NXPE2: variants seen among roughly 807,000 people sequenced by gnomAD.
The protein encoded by NXPE2 is NXPE family member 2.
Under a neutral mutation model 34.4 loss-of-function variants are expected in NXPE2, and 34 were observed. The observed-to-expected ratio is 0.99, with a 90% CI of 0.75 to 1.31. The LOEUF (loss-of-function observed/expected upper bound fraction) is 1.31, where lower values mean the gene tolerates loss of function less well. Ranked by LOEUF, NXPE2 falls within the 40% of genes most tolerant of loss-of-function variation. The pLI is 0.00. For synonymous variants in NXPE2, 235 were observed against 231.3 expected, an observed-to-expected ratio of 1.02 and a Z score of -0.15; for missense variants, 649 against 672.5, an observed-to-expected ratio of 0.97 and a Z score of 0.39.
the NXPE2 span, chr11:114,529,020 A>C: frequency 4.9e-6 from 2 of 411,502 alleles, no homozygotes; most frequent in East Asian, 6.7e-5. Flanking sequence ...AACTTGGATA[A>C]TGAGGTAAGA....
chr11:114,510,254 GT>G, the NXPE2 span, among the ~76,000 whole-genome samples: 1 of 152,070 alleles, frequency 6.6e-6, no homozygotes, highest in Non-Finnish European at 1.5e-5. Flanking sequence ...TTGAGACAGG[GT>G]CTTGCTCTGT....
upstream of NXPE2, among the ~76,000 whole-genome samples, chr11:114,675,792 A>G (rs1218338195): frequency 1.3e-5 from 2 of 151,942 alleles, no homozygotes; most frequent in Admixed American, 6.6e-5. Context: ...AAATAGCCAA[A>G]CCAATCTTGA....
the NXPE2 span, among the ~76,000 whole-genome samples, chr11:114,632,760 T>TATATTATATAATTATATATCAC: frequency 1.8e-3 from 18 of 10,092 alleles, no homozygotes; most frequent in African/African-American, 7.8e-3. Context: ...TAATATATCA[T>TATATTATATAATTATATATCAC]ATATTATATA....
chr11:114,801,661 TG>T, the NXPE2 span, among the ~76,000 whole-genome samples: 2 of 151,772 alleles, frequency 1.3e-5, no homozygotes, highest in African/African-American at 4.9e-5. Context: ...GACCAGGATG[TG>T]AAGAAAAGGA....
the NXPE2 span, among the ~76,000 whole-genome samples, chr11:114,740,337 TA>T: frequency 3.9e-5 from 6 of 152,310 alleles, no homozygotes; most frequent in African/African-American, 1.4e-4. Context: ...TTTCTTTATA[TA>T]GCTTTCCATT....
At chr11:114,638,082 C>T in the NXPE2 span, among the ~76,000 whole-genome samples, 63 of 151,508 alleles carry the variant, frequency 4.2e-4, 2 homozygotes, top group Non-Finnish European at 7.5e-4. Flanking sequence ...TCCATTCACC[C>T]CGTCACTTTC....
In NXPE2 at chr11:114,698,116, A is replaced by G; in HGVS notation, c.204A>G (p.Glu68=). The change falls in exon 3 of 6, where the codon GAA becomes GAG. Residue 68 remains glutamate, a synonymous_variant. Transcript: ENST00000389586. ...TCTTCAAAAAATATTCACACTCTGA[A>G]ACACCACTGTGTCCAGCAGTTTCAC... ...GNIFKKYSHS[E]TPLCPAVSPK... is the part of the protein sequence containing the mutation. The G allele has an allele frequency of 3.1e-6, 5 of 1,613,442 alleles. No individual in the cohort carries two copies. Among genetic ancestry groups the G allele is most frequent in the Non-Finnish European group, 4.2e-6 (5 of 1,179,592 alleles).
intron 2 of NXPE2, among the ~76,000 whole-genome samples, chr11:114,682,971 A>G (rs899818691): frequency 5.9e-5 from 9 of 151,996 alleles, no homozygotes; most frequent in African/African-American, 2.2e-4. Flanking sequence ...TTTGGGTTAA[A>G]ATAAAAAAAT....
At chr11:114,622,831 T>C in the NXPE2 span, among the ~76,000 whole-genome samples, 1 of 152,008 alleles carries the variant, frequency 6.6e-6, no homozygotes, top group African/African-American at 2.4e-5. Context: ...TCTTACCCAG[T>C]GGATAGTAAG....
chr11:114,661,005 G>C, the NXPE2 span, among the ~76,000 whole-genome samples: 1 of 152,070 alleles, frequency 6.6e-6, no homozygotes, highest in Non-Finnish European at 1.5e-5. Flanking sequence ...AACACAGCAT[G>C]ATTAAGAATG....
the NXPE2 span, chr11:114,553,960 A>G: frequency 1.0e-6 from 1 of 985,382 alleles, no homozygotes; most frequent in Non-Finnish European, 1.2e-6. Flanking sequence ...TTGTCAGTAT[A>G]CCCCTGCTCA....
the NXPE2 span, among the ~76,000 whole-genome samples, chr11:114,801,717 A>C: frequency 1.3e-5 from 2 of 152,228 alleles, no homozygotes; most frequent in South Asian, 2.1e-4. Context: ...TAGAGGAAAA[A>C]CCAGCAGGAT....
At chr11:114,584,243 A>G in the NXPE2 span, 15 of 454,144 alleles carry the variant, frequency 3.3e-5, no homozygotes, top group South Asian at 2.3e-4. Context: ...GAGCCTTCAT[A>G]CAATGATTAC....
chr11:114,616,069 G>A, the NXPE2 span, among the ~76,000 whole-genome samples: 1 of 151,640 alleles, frequency 6.6e-6, no homozygotes, highest in Admixed American at 6.6e-5. Flanking sequence ...TGCCTCATGG[G>A]TAAACACTGT....
At chr11:114,509,276 T>C in the NXPE2 span, among the ~76,000 whole-genome samples, 2 of 152,066 alleles carry the variant, frequency 1.3e-5, no homozygotes, top group Admixed American at 1.3e-4. Context: ...CAACAACAGA[T>C]GCCAGCAAGA....
chr11:114,626,890 G>A, the NXPE2 span, among the ~76,000 whole-genome samples: 6 of 152,086 alleles, frequency 3.9e-5, no homozygotes, highest in Non-Finnish European at 5.9e-5. Context: ...CTCAGGAGCT[G>A]ATGCGATCAA....
the NXPE2 span, among the ~76,000 whole-genome samples, chr11:114,601,109 T>A: frequency 6.6e-6 from 1 of 151,918 alleles, no homozygotes; most frequent in Non-Finnish European, 1.5e-5. Flanking sequence ...TATATTTAAA[T>A]AACTTTAGGG....
the NXPE2 span, among the ~76,000 whole-genome samples, chr11:114,507,623 TAAAAG>T: frequency 6.6e-6 from 1 of 151,886 alleles, no homozygotes; most frequent in African/African-American, 2.4e-5. Flanking sequence ...ATTCATCACA[TAAAAG>T]AGATAAAGAC....
the NXPE2 span, among the ~76,000 whole-genome samples, chr11:114,510,293 T>G: frequency 0.013 from 1,921 of 152,274 alleles, 46 homozygotes; most frequent in African/African-American, 0.043. Context: ...AGTGGTGTGA[T>G]CATAGTCATA....
Sources: gnomAD v4.1 joint callset for allele counts (sites outside exome capture counted in the v4.1 genomes callset) on GRCh38, gnomAD v4.1.1 for gene constraint, MANE v1.5 for transcripts, NCBI Gene and HGNC (gene_info 2026-07-23, HGNC 2026-07-21) for gene names.